NBAS: variants seen among roughly 807,000 people sequenced by gnomAD.
NBAS encodes the protein NBAS subunit of NRZ tethering complex.
NBAS carries 219 observed loss-of-function variants against 302.5 expected under a neutral mutation model. The observed-to-expected ratio is 0.72, with a 90% CI of 0.65 to 0.81. NBAS has a LOEUF of 0.81. NBAS is among the 30% of genes least tolerant of loss of function. NBAS has a pLI of 0.00. For synonymous variants in NBAS, 1,118 were observed against 1,021.6 expected (o/e 1.09, Z -1.80); for missense variants, 2,932 against 2,841.6 (o/e 1.03, Z -0.72).
At chr2:15,509,961 T>A (rs539920824) in intron 10 of NBAS, among the ~76,000 whole-genome samples, 1 of 152,314 alleles carries the variant, frequency 6.6e-6, no homozygotes, top group South Asian at 2.1e-4. Flanking sequence ...TCGATTCTCC[T>A]GCCTCAGCCT....
chr2:14,949,144 A>G, the NBAS span, among the ~76,000 whole-genome samples: 1 of 152,150 alleles, frequency 6.6e-6, no homozygotes, highest in Non-Finnish European at 1.5e-5. Context: ...ACTTCTAGAA[A>G]CAACAATAGG....
intron 21 of NBAS, among the ~76,000 whole-genome samples, chr2:15,455,876 A>T (rs970959497): frequency 3.3e-5 from 5 of 152,072 alleles, no homozygotes; most frequent in Non-Finnish European, 7.4e-5. Context: ...ATAGAAAAAG[A>T]GCAAAAATGA....
At position 15,536,525 on chromosome 2, in the gene NBAS, G is replaced by C. The variant is rs202027230; in HGVS notation, c.540C>G (p.Ser180Arg). Residue 180 changes from serine to arginine, a missense_variant, in exon 8 of 52, where the codon AGC becomes AGG. Physicochemically the swap from Ser to Arg is moderately radical, Grantham distance 110 (BLOSUM62 -1). Transcript: ENST00000281513. Reference sequence around the variant, plus strand: ...AAAATATCAACCCAGCAATGGCATAGCTTAAGTCACCTATAAAACTAGATG... The same window carrying C: ...AAAATATCAACCCAGCAATGGCATACCTTAAGTCACCTATAAAACTAGATG... The part of the protein sequence containing the change: ...SPASSFIGDL[S>R]YAIAGLIFLE... 5.0e-5 allele frequency: 81 copies of C among 1,611,414 alleles called. 2 individuals are homozygous for C. Among genetic ancestry groups the C allele is most frequent in the Middle Eastern group, 3.3e-4 (2 of 6,062 alleles).
intron 48 of NBAS, among the ~76,000 whole-genome samples, chr2:15,214,235 T>G (rs1259129912): frequency 6.6e-6 from 1 of 152,212 alleles, no homozygotes; most frequent in Non-Finnish European, 1.5e-5. Flanking sequence ...TTATTGTTTG[T>G]GAGATCCCTC....
intron 9 of NBAS, among the ~76,000 whole-genome samples, chr2:15,525,285 C>G (rs1323347881): frequency 6.6e-6 from 1 of 152,182 alleles, no homozygotes; most frequent in Non-Finnish European, 1.5e-5. Context: ...CCACAATTTT[C>G]CTCTGTGAAA....
chr2:15,017,038 A>C, the NBAS span, among the ~76,000 whole-genome samples: 1 of 152,116 alleles, frequency 6.6e-6, no homozygotes, highest in East Asian at 1.9e-4. Flanking sequence ...TTTTTTGACA[A>C]AGGAATGAAG....
chr2:15,053,772 A>T, the NBAS span, among the ~76,000 whole-genome samples: 2 of 152,040 alleles, frequency 1.3e-5, no homozygotes, highest in Admixed American at 1.3e-4. Context: ...GTACCATGTG[A>T]CTCTGAACAT....
chr2:15,030,659 A>C, the NBAS span, among the ~76,000 whole-genome samples: 1 of 152,042 alleles, frequency 6.6e-6, no homozygotes, highest in African/African-American at 2.4e-5. Context: ...GAATTTCTCC[A>C]CCTCTGAACT....
intron 38 of NBAS, among the ~76,000 whole-genome samples, chr2:15,324,611 C>T (rs917836642): frequency 6.6e-6 from 1 of 152,146 alleles, no homozygotes; most frequent in Non-Finnish European, 1.5e-5. Context: ...TATCATAGCG[C>T]CTGTCACTCA....
At chr2:15,279,702 C>G (rs566305962) in intron 42 of NBAS, among the ~76,000 whole-genome samples, 2 of 152,260 alleles carry the variant, frequency 1.3e-5, no homozygotes, top group East Asian at 3.9e-4. Flanking sequence ...ATTATCTTGT[C>G]AAGACAGATA....
At chr2:15,169,561 C>T (rs184962443) in intron 51 of NBAS, among the ~76,000 whole-genome samples, 1 of 152,324 alleles carries the variant, frequency 6.6e-6, no homozygotes, top group Non-Finnish European at 1.5e-5. Flanking sequence ...CTCACCTCCT[C>T]TGACAGAGGC....
chr2:15,520,219 T>G lies in NBAS; in HGVS notation c.747-8869A>C, dbSNP rs754888634. Among the ~76,000 whole-genome samples the G allele has an allele frequency of 6.6e-5, 10 of 152,262 alleles. 1 individual carries two copies. The South Asian group carries it at 1.5e-3, about 22-fold the overall frequency. On this transcript the variant is annotated intron_variant, in intron 9 of 51. Transcript: ENST00000281513. ...GAGTTAGAGACCAGCTTGAGCAACA[T>G]GGCAAGACCCCATCGCTTCAAAAAA...
chr2:15,078,109 G>A, the NBAS span, among the ~76,000 whole-genome samples: 1 of 152,180 alleles, frequency 6.6e-6, no homozygotes, highest in Non-Finnish European at 1.5e-5. Context: ...AAGCCCCAAG[G>A]TGTGGTAGGA....
chr2:14,881,718 G>A, the NBAS span, among the ~76,000 whole-genome samples: 1 of 152,162 alleles, frequency 6.6e-6, no homozygotes, highest in South Asian at 2.1e-4. Flanking sequence ...ATGGAACACA[G>A]CCACCCTATT....
intron 40 of NBAS, among the ~76,000 whole-genome samples, chr2:15,306,595 T>A (rs990830806): frequency 6.6e-6 from 1 of 152,170 alleles, no homozygotes; most frequent in African/African-American, 2.4e-5. Context: ...GACAGACACA[T>A]GAAATTATTT....
the NBAS span, among the ~76,000 whole-genome samples, chr2:14,780,188 C>G: frequency 6.6e-6 from 1 of 152,164 alleles, no homozygotes; most frequent in Non-Finnish European, 1.5e-5. Context: ...GTAGCTTCCT[C>G]CTGGGCTTGA....
At chr2:15,040,172 G>A in the NBAS span, among the ~76,000 whole-genome samples, 124,626 of 151,678 alleles carry the variant, frequency 0.82, 51,538 homozygotes, top group East Asian at 0.99. Flanking sequence ...TCTCAAGAGC[G>A]TGGACTGTTT....
intron 47 of NBAS, among the ~76,000 whole-genome samples, chr2:15,225,682 C>A (rs539026048): frequency 2.0e-5 from 3 of 152,218 alleles, no homozygotes; most frequent in East Asian, 1.9e-4. Context: ...CAAACCCCCC[C>A]AAAAAACTCA....
chr2:14,932,945 A>C, the NBAS span, among the ~76,000 whole-genome samples: 1 of 152,194 alleles, frequency 6.6e-6, no homozygotes, highest in Non-Finnish European at 1.5e-5. Flanking sequence ...CTAATATTCT[A>C]CTAAGTATTG....
Sources: allele counts gnomAD v4.1 joint callset (sites outside exome capture counted in the v4.1 genomes callset), GRCh38; gene constraint gnomAD v4.1.1; transcripts MANE v1.5; gene names NCBI Gene and HGNC (gene_info 2026-07-23, HGNC 2026-07-21).